ZNF385C: variants seen among roughly 807,000 people sequenced by gnomAD.
ZNF385C encodes the protein CTD-2132N18.2.
In ZNF385C, 28 loss-of-function variants were observed where a neutral mutation model predicts 35.4. The observed-to-expected ratio is 0.79, with a 90% confidence interval of 0.59 to 1.08. ZNF385C has a LOEUF of 1.08. Ranked by LOEUF, ZNF385C falls within the 50% of genes least tolerant of loss-of-function variation. ZNF385C has a pLI of 0.00. For missense variants in ZNF385C, 605 were observed against 595.6 expected (o/e 1.02, Z -0.16); for synonymous variants, 248 against 248.2 (o/e 1.00, Z 0.01).
rs947054144 is a variant in ZNF385C, at chr17:42,064,062, G to A, written c.-2-1004C>T. Among the ~76,000 whole-genome samples, 154 of 112,038 alleles carry A rather than the reference G, an allele frequency of 1.4e-3. 1 individual carries two copies. Among genetic ancestry groups the A allele is most frequent in the East Asian group, 4.2e-3 (16 of 3,820 alleles). 73.5% of individuals were successfully genotyped at this position (112,038 alleles called of 152,430 possible). A position where few individuals can be genotyped will look rare whatever the true frequency, so the allele number is the denominator to read the frequency against. ...GCCCCCGCCCTGTCCCCCAACGCGC[G>A]CACACGCACATACACACACACACAC... On this transcript the variant is annotated intron_variant, in intron 1 of 8. Transcript: ENST00000692273.
At chr17:42,049,378 TGCAC>T (rs1412900842) in intron 2 of ZNF385C, among the ~76,000 whole-genome samples, 2 of 152,210 alleles carry the variant, frequency 1.3e-5, no homozygotes, top group Non-Finnish European at 2.9e-5. Context: ...CCCCTTCTCA[TGCAC>T]GTTCCCTGAG....
chr17:42,066,009 A>C (rs2053541964), intron 1 of ZNF385C, among the ~76,000 whole-genome samples: 1 of 151,642 alleles, frequency 6.6e-6, no homozygotes, highest in Non-Finnish European at 1.5e-5. Context: ...AATCTATGTA[A>C]TATGCTTCTC....
intron 1 of ZNF385C, among the ~76,000 whole-genome samples, chr17:42,097,244 G>A (rs1334646117): frequency 1.3e-5 from 2 of 152,110 alleles, no homozygotes; most frequent in African/African-American, 4.8e-5. Context: ...TCACGCAGTA[G>A]GTAGAGGTGT....
chr17:42,034,812 AAAAG>A (rs1398930819), intron 3 of ZNF385C, among the ~76,000 whole-genome samples: 2 of 150,474 alleles, frequency 1.3e-5, no homozygotes, highest in Non-Finnish European at 3.0e-5. Flanking sequence ...AAGAAAAAGA[AAAAG>A]AAAAGGAAAG....
chr17:42,034,057 T>C (rs2052787149), intron 4 of ZNF385C, among the ~76,000 whole-genome samples, 168 bp downstream of exon 4: 2 of 152,032 alleles, frequency 1.3e-5, no homozygotes, highest in Admixed American at 6.6e-5. Context: ...GAGGAGAGGA[T>C]GCGATGGTTA....
intron 3 of ZNF385C, among the ~76,000 whole-genome samples, chr17:42,034,950 CCTT>C (rs1358345162): frequency 2.7e-5 from 4 of 150,792 alleles, no homozygotes; most frequent in African/African-American, 4.9e-5. Flanking sequence ...AAGAGAAACT[CCTT>C]CTCTACTAAA....
At chr17:42,048,266 G>T (rs192031151) in intron 2 of ZNF385C, among the ~76,000 whole-genome samples, 1 of 151,806 alleles carries the variant, frequency 6.6e-6, no homozygotes, top group African/African-American at 2.4e-5. Context: ...GGCTGGATGT[G>T]GTGGCTCACA....
At chr17:42,052,766 C>T (rs2053306994) in intron 2 of ZNF385C, among the ~76,000 whole-genome samples, 1 of 152,104 alleles carries the variant, frequency 6.6e-6, no homozygotes, top group Non-Finnish European at 1.5e-5. Context: ...ATGCAGAGAC[C>T]GGTGTGCACA....
chr17:42,031,913 G>A (rs1374341349), intron 4 of ZNF385C, 129 bp from the exon 5 acceptor site: 4 of 1,021,390 alleles, frequency 3.9e-6, no homozygotes, highest in Non-Finnish European at 4.2e-6. Context: ...GCAAGTCCTT[G>A]TCCTTGTCAT....
At chr17:42,034,453 G>C in intron 3 of ZNF385C, 118 bp from the exon 4 acceptor site, 1 of 692,844 alleles carries the variant, frequency 1.4e-6, no homozygotes, top group Non-Finnish European at 2.4e-6. Flanking sequence ...TCAGCTTCTA[G>C]GAAGAACTTT....
At chr17:42,039,122 G>T (rs2052938895) in intron 2 of ZNF385C, 1 of 152,164 alleles carries the variant, frequency 6.6e-6, no homozygotes, top group South Asian at 2.1e-4. Flanking sequence ...ATGGTGGCAG[G>T]CGCCTGTAAT....
At chr17:42,043,644 C>T (rs935204182) in intron 2 of ZNF385C, 5 of 307,172 alleles carry the variant, frequency 1.6e-5, no homozygotes, top group African/African-American at 8.6e-5. Context: ...AGGCTTCATG[C>T]TGCCCACAGA....
intron 4 of ZNF385C, 78 bp downstream of exon 4, chr17:42,034,147 A>C: frequency 8.7e-7 from 1 of 1,154,718 alleles, no homozygotes; most frequent in Non-Finnish European, 1.3e-6. Context: ...TCCTCCCAGA[A>C]GGACTCTGAA....
intron 4 of ZNF385C, among the ~76,000 whole-genome samples, 183 bp from the exon 5 acceptor site, chr17:42,031,967 G>A (rs2052740027): frequency 6.6e-6 from 1 of 152,202 alleles, no homozygotes; most frequent in South Asian, 2.1e-4. Context: ...TGCAGAATGT[G>A]TTCTCGCACA....
intron 1 of ZNF385C, among the ~76,000 whole-genome samples, chr17:42,073,958 CAA>C (rs2053658555): frequency 6.6e-6 from 1 of 152,140 alleles, no homozygotes; most frequent in African/African-American, 2.4e-5. Flanking sequence ...CCTGGTTCAC[CAA>C]CCACCAACTC....
intron 5 of ZNF385C, among the ~76,000 whole-genome samples, chr17:42,029,730 AC>A (rs2143524321): frequency 2.0e-5 from 3 of 150,996 alleles, no homozygotes; most frequent in African/African-American, 7.3e-5. Context: ...AAACAAACAA[AC>A]AAAAAAAACA....
At chr17:42,060,938 C>T (rs1555657961) in intron 2 of ZNF385C, among the ~76,000 whole-genome samples, 1 of 152,090 alleles carries the variant, frequency 6.6e-6, no homozygotes, top group Non-Finnish European at 1.5e-5. Flanking sequence ...TGGTCTCGAA[C>T]TCCTGAGCTC....
chr17:42,069,348 A>G (rs2053592203), intron 1 of ZNF385C, among the ~76,000 whole-genome samples: 1 of 152,132 alleles, frequency 6.6e-6, no homozygotes. Context: ...AATGCACGTG[A>G]GGTCCCTGGG....
rs1156574034 is a variant in ZNF385C at position 42,028,951 on chromosome 17, G to C, written c.799C>G (p.Pro267Ala). The C allele has an allele frequency of 4.5e-6, 7 of 1,550,496 alleles. No homozygotes were observed. Among genetic ancestry groups the C allele is most frequent in the Non-Finnish European group, 6.1e-6 (7 of 1,147,020 alleles). ...AASSSSSSSC[P>A]PCSPEPGREA... ...CTCCCAGGCTCTGGGGAGCAAGGTG[G>C]GCAGGAGGAAGAAGAGGATGAGGAG... Residue 267 changes from proline (P) to alanine (A), a missense_variant, in exon 6 of 9, where the codon CCA becomes GCA. By Grantham distance (27) the Pro-to-Ala change is conservative. Coordinates refer to ENST00000692273, the MANE Select transcript of ZNF385C (RefSeq NM_001392013.1).
Sources: gnomAD v4.1 joint callset for allele counts (sites outside exome capture counted in the v4.1 genomes callset) on GRCh38, gnomAD v4.1.1 for gene constraint, MANE v1.5 for transcripts, NCBI Gene and HGNC (gene_info 2026-07-23, HGNC 2026-07-21) for gene names.